The following PRKD1 variants were observed in gnomAD, a reference collection of about 807,000 sequenced individuals.
PRKD1 encodes the protein serine/threonine-protein kinase D1.
A neutral mutation model predicts 95.9 loss-of-function variants in PRKD1; 63 were observed. The observed-to-expected ratio is 0.66, with a 90% confidence interval of 0.54 to 0.81. The LOEUF (loss-of-function observed/expected upper bound fraction) is 0.81. Ranked by LOEUF, PRKD1 falls within the 30% of genes least tolerant of loss-of-function variation. PRKD1 has a pLI of 0.00. For missense variants in PRKD1, 1,048 were observed against 1,165.3 expected, an observed-to-expected ratio of 0.90 and a Z score of 1.47; for synonymous variants, 425 against 423.1, an observed-to-expected ratio of 1.00 and a Z score of -0.05.
chr14:29,776,162 G>T (rs1411841988), intron 1 of PRKD1, among the ~76,000 whole-genome samples: 2 of 152,142 alleles, frequency 1.3e-5, no homozygotes, highest in Non-Finnish European at 2.9e-5. Flanking sequence ...CATAATCAAA[G>T]ACCAAAGGTA....
intron 1 of PRKD1, among the ~76,000 whole-genome samples, chr14:29,809,426 C>T (rs938142618): frequency 9.9e-5 from 15 of 152,178 alleles, no homozygotes; most frequent in African/African-American, 3.6e-4. Context: ...CTTCTTCTTC[C>T]GATAGAAGGA....
At chr14:29,708,209 G>T (rs560835907) in intron 2 of PRKD1, among the ~76,000 whole-genome samples, 6 of 152,050 alleles carry the variant, frequency 3.9e-5, no homozygotes. Context: ...GAGGCAATGG[G>T]GAGTTGAAGG....
At position 29,652,547 on chromosome 14, in the gene PRKD1, C is replaced by G. The variant is rs955595082; in HGVS notation, c.696+11152G>C. ...GGACACTTTCCCCAGAAACTCACTA[C>G]TGCACATAGTCTCAGGAAGCAGGGA... is the stretch of plus-strand genomic sequence containing the variant. On this transcript the variant is annotated intron_variant, in intron 4 of 17. Coordinates refer to ENST00000331968, the MANE Select transcript of PRKD1 (RefSeq NM_002742.3). Among the ~76,000 whole-genome samples, 6 of 152,280 alleles carry G rather than the reference C, an allele frequency of 3.9e-5. No individual in the cohort carries two copies. In the East Asian group the frequency reaches 9.7e-4, roughly 25 times the overall value.
chr14:29,655,607 C>G (rs113226742), intron 4 of PRKD1, among the ~76,000 whole-genome samples: 1 of 152,220 alleles, frequency 6.6e-6, no homozygotes, highest in Non-Finnish European at 1.5e-5. Context: ...ACAAGAAGAG[C>G]ATTGTTGGAT....
chr14:29,809,790 T>C (rs1179783345), intron 1 of PRKD1, among the ~76,000 whole-genome samples: 1 of 152,216 alleles, frequency 6.6e-6, no homozygotes, highest in Non-Finnish European at 1.5e-5. Flanking sequence ...TGTTTTCTTA[T>C]CATTTGTGTG....
chr14:29,705,272 A>G (rs765983016), intron 2 of PRKD1, among the ~76,000 whole-genome samples: 1 of 152,090 alleles, frequency 6.6e-6, no homozygotes, highest in Non-Finnish European at 1.5e-5. Context: ...AATTAAAATT[A>G]TGAATGACCT....
chr14:29,656,810 G>GGTTC (rs1881874428), intron 4 of PRKD1, among the ~76,000 whole-genome samples: 1 of 152,108 alleles, frequency 6.6e-6, no homozygotes, highest in South Asian at 2.1e-4. Context: ...GATGAACGAT[G>GGTTC]GTTCTTTCAC....
intron 1 of PRKD1, among the ~76,000 whole-genome samples, chr14:29,817,195 G>C (rs749244666): frequency 6.6e-6 from 1 of 152,040 alleles, no homozygotes; most frequent in South Asian, 2.1e-4. Flanking sequence ...AACTACAGTG[G>C]GCTTCTGCCA....
At chr14:29,880,602 C>A (rs1475504132) in intron 1 of PRKD1, among the ~76,000 whole-genome samples, 5 of 152,082 alleles carry the variant, frequency 3.3e-5, no homozygotes, top group Non-Finnish European at 7.4e-5. Context: ...AGAAGACAGC[C>A]ACAGTCTTCC....
intron 2 of PRKD1, among the ~76,000 whole-genome samples, chr14:29,690,424 C>T (rs1401020008): frequency 6.6e-6 from 1 of 152,182 alleles, no homozygotes; most frequent in Non-Finnish European, 1.5e-5. Flanking sequence ...ACACCCAAAA[C>T]ATGGGTGTCA....
rs1489279606 is a variant in PRKD1, at chr14:29,630,617, T to C, written c.1672+125A>G. 27 of 1,262,512 alleles carry C rather than the reference T, an allele frequency of 2.1e-5. No homozygotes were observed. In the South Asian group the frequency reaches 3.5e-4, roughly 16 times the overall value. 78.2% of individuals were successfully genotyped at this position (1,262,512 alleles called of 1,614,324 possible). ...TATTTAGACACCCTACATTCTACAATAAACTAAGTCATCCCCAAGAAGTCT... is the reference window on the plus strand; with the variant it reads ...TATTTAGACACCCTACATTCTACAACAAACTAAGTCATCCCCAAGAAGTCT... On this transcript the variant is annotated intron_variant, in intron 10 of 17. Coordinates refer to ENST00000331968, the MANE Select transcript of PRKD1 (RefSeq NM_002742.3).
chr14:29,893,209 C>T (rs963104485), intron 1 of PRKD1, among the ~76,000 whole-genome samples: 2 of 151,896 alleles, frequency 1.3e-5, no homozygotes, highest in Non-Finnish European at 2.9e-5. Flanking sequence ...GGTAAAATTT[C>T]ATTACAACAA....
At chr14:29,632,388 TTAC>T (rs1880063546) in intron 9 of PRKD1, among the ~76,000 whole-genome samples, 3 of 151,882 alleles carry the variant, frequency 2.0e-5, no homozygotes, top group Admixed American at 1.3e-4. Flanking sequence ...CACATCTGTA[TTAC>T]TTAATGTAGA....
chr14:29,657,269 T>A (rs1017467347), intron 4 of PRKD1: 4 of 152,234 alleles, frequency 2.6e-5, no homozygotes, highest in Admixed American at 2.0e-4. Flanking sequence ...ATATTGAATA[T>A]GTTCTTTTTC....
At chr14:29,731,444 C>T (rs756219829) in intron 1 of PRKD1, among the ~76,000 whole-genome samples, 3 of 152,006 alleles carry the variant, frequency 2.0e-5, no homozygotes, top group Non-Finnish European at 2.9e-5. Flanking sequence ...TATAAATATC[C>T]GTTAGATTAA....
chr14:29,924,389 T>C (rs1042511805), intron 1 of PRKD1, among the ~76,000 whole-genome samples: 1 of 152,176 alleles, frequency 6.6e-6, no homozygotes, highest in Non-Finnish European at 1.5e-5. Flanking sequence ...TTCTAAATAA[T>C]AACAATAATA....
At chr14:29,640,444 C>A (rs1880683964) in intron 4 of PRKD1, among the ~76,000 whole-genome samples, 1 of 152,154 alleles carries the variant, frequency 6.6e-6, no homozygotes, top group South Asian at 2.1e-4. Flanking sequence ...AAATGAAGTT[C>A]TACACAGGAA....
At chr14:29,822,023 C>T (rs953434416) in intron 1 of PRKD1, among the ~76,000 whole-genome samples, 11 of 152,154 alleles carry the variant, frequency 7.2e-5, no homozygotes, top group Non-Finnish European at 8.8e-5. Flanking sequence ...TAACTCAGCA[C>T]AGCGACCAGG....
intron 1 of PRKD1, among the ~76,000 whole-genome samples, chr14:29,911,152 G>A (rs578216958): frequency 6.6e-6 from 1 of 152,156 alleles, no homozygotes; most frequent in South Asian, 2.1e-4. Context: ...TAATTTATTA[G>A]GTGTGTAAGA....
Sources: gnomAD v4.1 joint callset for allele counts (sites outside exome capture counted in the v4.1 genomes callset) on GRCh38, gnomAD v4.1.1 for gene constraint, MANE v1.5 for transcripts, NCBI Gene and HGNC (gene_info 2026-07-23, HGNC 2026-07-21) for gene names.